CPNE4: variants seen among roughly 807,000 people sequenced by gnomAD.
The protein encoded by CPNE4 is copine 4.
Under a neutral mutation model 67.9 loss-of-function variants are expected in CPNE4, and 25 were observed. The observed-to-expected ratio is 0.37, with a 90% CI of 0.27 to 0.51. CPNE4 has a LOEUF of 0.51. Ranked by LOEUF, CPNE4 falls within the 20% of genes least tolerant of loss-of-function variation. The probability of loss-of-function intolerance (pLI) is 0.93; values close to 1 mark genes in which losing one functional copy is unlikely to be tolerated. For synonymous variants in CPNE4, 242 were observed against 244.9 expected, an observed-to-expected ratio of 0.99 and a Z score of 0.11; for missense variants, 464 against 690.8, an observed-to-expected ratio of 0.67 and a Z score of 3.68.
intron 1 of CPNE4, among the ~76,000 whole-genome samples, chr3:131,991,098 T>C (rs2073165071): frequency 7.3e-6 from 1 of 136,220 alleles, no homozygotes; most frequent in Admixed American, 8.3e-5. Flanking sequence ...TTACCCAGTC[T>C]CTCGTATGTC....
At chr3:131,698,199 T>C (rs61703339) in intron 4 of CPNE4, among the ~76,000 whole-genome samples, 18,972 of 129,628 alleles carry the variant, frequency 0.15, 1,513 homozygotes, top group African/African-American at 0.22. Context: ...CGTGCCACTG[T>C]GCTCCAGCCT....
intron 7 of CPNE4, among the ~76,000 whole-genome samples, chr3:131,590,219 T>C (rs960771889): frequency 2.0e-5 from 3 of 152,160 alleles, no homozygotes; most frequent in Non-Finnish European, 4.4e-5. Context: ...GCTGTGTCCA[T>C]GTTGTGGGGA....
chr3:131,688,215 C>A (rs1468117399), intron 5 of CPNE4, among the ~76,000 whole-genome samples: 27 of 152,122 alleles, frequency 1.8e-4, no homozygotes, highest in African/African-American at 6.3e-4. Context: ...CCTTCCCATG[C>A]AACCAGGAAC....
intron 3 of CPNE4, among the ~76,000 whole-genome samples, chr3:131,711,470 CTGGCCTGAGCA>C (rs2081555419): frequency 1.3e-5 from 2 of 152,122 alleles, no homozygotes; most frequent in African/African-American, 2.4e-5. Context: ...AAAACGTGTG[CTGGCCTGAGCA>C]TCCTGATGAG....
chr3:132,012,207 C>T (rs2073783917), intron 1 of CPNE4, among the ~76,000 whole-genome samples: 1 of 140,148 alleles, frequency 7.1e-6, no homozygotes, highest in Non-Finnish European at 1.5e-5. Flanking sequence ...CTCGCTCTGT[C>T]ACCCAGGCCG....
At chr3:131,943,501 T>C (rs1466991983) in intron 1 of CPNE4, among the ~76,000 whole-genome samples, 2 of 152,164 alleles carry the variant, frequency 1.3e-5, no homozygotes, top group African/African-American at 4.8e-5. Flanking sequence ...TTTATATTAC[T>C]ACTATTTGTG....
intron 1 of CPNE4, among the ~76,000 whole-genome samples, chr3:131,962,521 T>C (rs2107924307): frequency 6.6e-6 from 1 of 152,318 alleles, no homozygotes; most frequent in African/African-American, 2.4e-5. Flanking sequence ...ACTGGACTCC[T>C]TACAGGATTA....
intron 14 of CPNE4, among the ~76,000 whole-genome samples, chr3:131,548,365 T>C (rs962462782): frequency 6.6e-6 from 1 of 152,094 alleles, no homozygotes; most frequent in Non-Finnish European, 1.5e-5. Context: ...CAAGTCTTAT[T>C]GTAGAGCTTC....
intron 2 of CPNE4, among the ~76,000 whole-genome samples, chr3:131,741,681 G>T (rs1291785583): frequency 6.6e-6 from 1 of 152,138 alleles, no homozygotes; most frequent in East Asian, 1.9e-4. Flanking sequence ...AGGAAGATTT[G>T]CCTGACTATG....
chr3:131,787,099 G>C (rs537369465), intron 2 of CPNE4, among the ~76,000 whole-genome samples: 2 of 152,216 alleles, frequency 1.3e-5, no homozygotes, highest in Admixed American at 1.3e-4. Flanking sequence ...TCATGCTTCA[G>C]TTCATTTCCT....
chr3:131,971,610 A>G (rs1485350705), intron 1 of CPNE4, among the ~76,000 whole-genome samples: 2 of 151,928 alleles, frequency 1.3e-5, no homozygotes, highest in African/African-American at 4.8e-5. Flanking sequence ...TGTGCTCAAT[A>G]TTTTTCTTGG....
intron 1 of CPNE4, among the ~76,000 whole-genome samples, chr3:131,940,046 T>C (rs2071340878): frequency 6.6e-6 from 1 of 152,136 alleles, no homozygotes; most frequent in South Asian, 2.1e-4. Flanking sequence ...TACCTGTTTG[T>C]GTGCATTTTT....
chr3:131,952,343 G>A (rs1336457573), intron 1 of CPNE4, among the ~76,000 whole-genome samples: 1 of 150,726 alleles, frequency 6.6e-6, no homozygotes, highest in African/African-American at 2.4e-5. Context: ...CCCCGTCTGA[G>A]AAGTGAGGAG....
chr3:131,934,570 C>A (rs898306384), intron 1 of CPNE4, among the ~76,000 whole-genome samples: 3 of 152,136 alleles, frequency 2.0e-5, no homozygotes, highest in Admixed American at 1.3e-4. Context: ...TGTAGCCCCC[C>A]ACCCCCTGAC....
Position 131,685,895 on chromosome 3 carries a change from G to T in CPNE4, c.571C>A (p.Gln191Lys). 6.2e-7 allele frequency: 1 copy of T among 1,612,526 alleles called. No individual in the cohort carries two copies. The change falls in exon 6 of 16, where the codon CAG (glutamine) becomes AAG (lysine). Residue 191 changes from glutamine (Q) to lysine (K), a missense_variant. Gln to Lys is a moderately conservative substitution (Grantham distance 53, BLOSUM62 1). Transcript: ENST00000429747. ...CTTACCTCAGTTCGGTGCACCAGCTGCTGAGTTGCATCATCATTCATACGA... is the reference window on the plus strand; with the variant it reads ...CTTACCTCAGTTCGGTGCACCAGCTTCTGAGTTGCATCATCATTCATACGA... Reference protein sequence around the residue: ...IFRMNDDATQQLVHRTEVVMN... With the variant: ...IFRMNDDATQKLVHRTEVVMN...
chr3:131,708,524 A>T (rs945151071), intron 3 of CPNE4, among the ~76,000 whole-genome samples: 1 of 152,096 alleles, frequency 6.6e-6, no homozygotes. Context: ...AGGGTGTGAG[A>T]GTGAGGCAGT....
intron 3 of CPNE4, among the ~76,000 whole-genome samples, chr3:131,700,536 C>T (rs1334655223): frequency 6.6e-6 from 1 of 152,200 alleles, no homozygotes; most frequent in Admixed American, 6.5e-5. Flanking sequence ...TGCACCTGCG[C>T]AATGACAACT....
chr3:131,717,220 T>C (rs1001839013), intron 3 of CPNE4, among the ~76,000 whole-genome samples: 15 of 149,510 alleles, frequency 1.0e-4, no homozygotes, highest in Non-Finnish European at 2.2e-4. Flanking sequence ...TTACTCCATG[T>C]AAAAAACACT....
intron 7 of CPNE4, among the ~76,000 whole-genome samples, chr3:131,602,484 C>T (rs569148207): frequency 1.3e-5 from 2 of 152,278 alleles, no homozygotes; most frequent in Admixed American, 1.3e-4. Context: ...CATCCCTGCT[C>T]TTCTGGATTG....
Sources: allele counts gnomAD v4.1 joint callset (sites outside exome capture counted in the v4.1 genomes callset), GRCh38; gene constraint gnomAD v4.1.1; transcripts MANE v1.5; gene names NCBI Gene and HGNC (gene_info 2026-07-23, HGNC 2026-07-21).